Variants in OPCML observed in about 807,000 individuals in gnomAD.
The protein encoded by OPCML is opioid binding protein/cell adhesion molecule like, also known as opioid-binding protein/cell adhesion molecule.
OPCML carries 13 observed loss-of-function variants against 37.8 expected under a neutral mutation model. The ratio of observed to expected loss-of-function variants is 0.34; its 90% CI spans 0.22 to 0.55. The LOEUF (loss-of-function observed/expected upper bound fraction) is 0.55, where lower values mean the gene tolerates loss of function less well. Among genes scored for constraint, OPCML ranks in the 20% least tolerant of loss-of-function variants. OPCML has a pLI of 0.91. For missense variants in OPCML, 341 were observed against 435.6 expected (o/e 0.78, Z 1.93); for synonymous variants, 176 against 168.8 (o/e 1.04, Z -0.33).
At chr11:133,097,834 T>C (rs2137065423) in intron 1 of OPCML, among the ~76,000 whole-genome samples, 1 of 152,322 alleles carries the variant, frequency 6.6e-6, no homozygotes, top group East Asian at 1.9e-4. Context: ...ACAATCTGAA[T>C]AGTCCCATGT....
chr11:132,892,632 T>C (rs1943695406), intron 2 of OPCML, among the ~76,000 whole-genome samples: 1 of 152,058 alleles, frequency 6.6e-6, no homozygotes, highest in Non-Finnish European at 1.5e-5. Context: ...CTGGGCCTGG[T>C]GGTGGGTGCC....
intron 1 of OPCML, among the ~76,000 whole-genome samples, chr11:133,160,895 G>A (rs895719855): frequency 3.3e-5 from 5 of 152,304 alleles, no homozygotes; most frequent in Middle Eastern, 3.4e-3. Context: ...ATGGAGGGCC[G>A]GAGCACCACG....
intron 1 of OPCML, among the ~76,000 whole-genome samples, chr11:133,242,698 G>A (rs887041357): frequency 7.2e-5 from 11 of 152,118 alleles, no homozygotes; most frequent in Admixed American, 1.3e-4. Context: ...AGGTACTGAG[G>A]ATCAGGACTT....
chr11:132,999,901 C>G (rs564625544), intron 1 of OPCML, among the ~76,000 whole-genome samples: 7 of 152,300 alleles, frequency 4.6e-5, no homozygotes, highest in Middle Eastern at 3.4e-3. Flanking sequence ...CTACCCAAAA[C>G]GCATCCCCCT....
At chr11:133,469,494 G>C (rs1314458834) in intron 1 of OPCML, among the ~76,000 whole-genome samples, 1 of 152,146 alleles carries the variant, frequency 6.6e-6, no homozygotes, top group Admixed American at 6.5e-5. Context: ...AAGCTTCTTA[G>C]CTCATTCCTT....
At chr11:132,752,395 A>G (rs921891914) in intron 2 of OPCML, among the ~76,000 whole-genome samples, 4 of 152,188 alleles carry the variant, frequency 2.6e-5, no homozygotes, top group Non-Finnish European at 5.9e-5. Context: ...ACAGGCTTTC[A>G]TCAACACATT....
intron 2 of OPCML, among the ~76,000 whole-genome samples, chr11:132,913,916 AG>A (rs1360779851): frequency 1.3e-5 from 2 of 152,228 alleles, no homozygotes; most frequent in East Asian, 3.8e-4. Context: ...CCTCTGCTGC[AG>A]CTCACTAGGC....
At chr11:132,565,166 G>T (rs1591557896) in intron 3 of OPCML, among the ~76,000 whole-genome samples, 1 of 152,168 alleles carries the variant, frequency 6.6e-6, no homozygotes, top group African/African-American at 2.4e-5. Context: ...AAATGTTCCT[G>T]CCTCTGGGAA....
At chr11:132,583,531 C>T (rs1334395868) in intron 3 of OPCML, among the ~76,000 whole-genome samples, 1 of 152,108 alleles carries the variant, frequency 6.6e-6, no homozygotes, top group African/African-American at 2.4e-5. Flanking sequence ...AAACTCTTGA[C>T]TCAAGCAATC....
At chr11:133,394,497 C>T (rs540285351) in intron 1 of OPCML, among the ~76,000 whole-genome samples, 259 of 152,222 alleles carry the variant, frequency 1.7e-3, no homozygotes, top group African/African-American at 5.9e-3. Flanking sequence ...AATAATAGGT[C>T]TTATTCATTC....
chr11:133,015,761 G>A (rs1947321548), intron 1 of OPCML, among the ~76,000 whole-genome samples: 1 of 152,122 alleles, frequency 6.6e-6, no homozygotes, highest in African/African-American at 2.4e-5. Flanking sequence ...ACAAACTCCA[G>A]CTGCAACTGA....
intron 1 of OPCML, among the ~76,000 whole-genome samples, chr11:133,168,649 C>CA (rs747401285): frequency 3.3e-5 from 5 of 152,192 alleles, no homozygotes; most frequent in Non-Finnish European, 7.3e-5. Flanking sequence ...CTAAGAACCA[C>CA]ATCTTTCCAA....
At chr11:133,483,567 G>A (rs1477206140) in intron 1 of OPCML, among the ~76,000 whole-genome samples, 2 of 151,572 alleles carry the variant, frequency 1.3e-5, no homozygotes, top group African/African-American at 2.4e-5. Flanking sequence ...ACTAGACAAA[G>A]GAATGGATGA....
chr11:132,513,870 C>T (rs1368485451), intron 4 of OPCML, among the ~76,000 whole-genome samples: 1 of 152,174 alleles, frequency 6.6e-6, no homozygotes, highest in East Asian at 1.9e-4. Context: ...CTGAGCCTTT[C>T]ACTAAACTTT....
chr11:132,431,073 G>A (rs1254505313), intron 7 of OPCML, among the ~76,000 whole-genome samples: 1 of 152,188 alleles, frequency 6.6e-6, no homozygotes, highest in Non-Finnish European at 1.5e-5. Flanking sequence ...GTGCCAAGGG[G>A]CTCCCTGTGG....
At chr11:133,002,891 A>G (rs1004187686) in intron 1 of OPCML, among the ~76,000 whole-genome samples, 1 of 152,170 alleles carries the variant, frequency 6.6e-6, no homozygotes, top group Non-Finnish European at 1.5e-5. Context: ...GAGACTTCTT[A>G]GCACCACTTG....
intron 1 of OPCML, among the ~76,000 whole-genome samples, chr11:133,402,505 A>C (rs755974966): frequency 1.3e-5 from 2 of 152,196 alleles, no homozygotes; most frequent in African/African-American, 2.4e-5. Flanking sequence ...TACCATATAG[A>C]TGATCAGGAT....
At chr11:132,702,034 T>C (rs1203949138) in intron 2 of OPCML, among the ~76,000 whole-genome samples, 5 of 152,226 alleles carry the variant, frequency 3.3e-5, no homozygotes, top group African/African-American at 4.8e-5. Context: ...GAAATTATTA[T>C]GGCTATAATT....
At chr11:133,435,868 G>A (rs1236657496) in intron 1 of OPCML, among the ~76,000 whole-genome samples, 1 of 152,178 alleles carries the variant, frequency 6.6e-6, no homozygotes, top group East Asian at 1.9e-4. Context: ...TACGCATATT[G>A]CACAGTTTTG....
Sources: gnomAD v4.1 joint callset for allele counts (sites outside exome capture counted in the v4.1 genomes callset) on GRCh38, gnomAD v4.1.1 for gene constraint, MANE v1.5 for transcripts, NCBI Gene and HGNC (gene_info 2026-07-23, HGNC 2026-07-21) for gene names.